Variants in SLAIN1 observed in about 807,000 individuals in gnomAD.
SLAIN1 encodes SLAIN family member 1, also known as SLAIN motif-containing protein 1.
A neutral mutation model predicts 55.4 loss-of-function variants in SLAIN1; 17 were observed. The ratio of observed to expected loss-of-function variants is 0.31; its 90% CI spans 0.21 to 0.46. The LOEUF is 0.46. Among genes scored for constraint, SLAIN1 ranks in the 20% least tolerant of loss-of-function variants. The pLI is 1.00. For missense variants in SLAIN1, 682 were observed against 785.1 expected, an observed-to-expected ratio of 0.87 and a Z score of 1.57; for synonymous variants, 348 against 337.4, an observed-to-expected ratio of 1.03 and a Z score of -0.35.
intron 4 of SLAIN1, among the ~76,000 whole-genome samples, chr13:77,747,682 C>T (rs1008398726): frequency 1.6e-4 from 25 of 152,144 alleles, no homozygotes; most frequent in Non-Finnish European, 2.2e-4. Flanking sequence ...CCTCTGATCT[C>T]CTGACATCTA....
At chr13:77,753,586 A>C (rs1874394828) in intron 5 of SLAIN1, among the ~76,000 whole-genome samples, 1 of 152,128 alleles carries the variant, frequency 6.6e-6, no homozygotes, top group Non-Finnish European at 1.5e-5. Flanking sequence ...CCTGTGGTAT[A>C]AATTACTTAC....
At chr13:77,758,618 G>A (rs558783012) in intron 5 of SLAIN1, among the ~76,000 whole-genome samples, 1 of 152,180 alleles carries the variant, frequency 6.6e-6, no homozygotes, top group Non-Finnish European at 1.5e-5. Flanking sequence ...TGAGAGGTAG[G>A]TATTCAGTTT....
intron 5 of SLAIN1, among the ~76,000 whole-genome samples, chr13:77,757,951 T>C (rs1874725078): frequency 6.6e-6 from 1 of 152,184 alleles, no homozygotes; most frequent in African/African-American, 2.4e-5. Context: ...AGATACCCAG[T>C]AGTGGGATTG....
intron 2 of SLAIN1, among the ~76,000 whole-genome samples, chr13:77,728,849 C>T (rs1594271268): frequency 6.6e-6 from 1 of 152,296 alleles, no homozygotes; most frequent in African/African-American, 2.4e-5. Flanking sequence ...TATTTCTAGT[C>T]TCGAGATGCT....
chr13:77,728,927 A>G (rs2091332198), intron 2 of SLAIN1, among the ~76,000 whole-genome samples: 1 of 152,170 alleles, frequency 6.6e-6, no homozygotes, highest in African/African-American at 2.4e-5. Context: ...CTTTGTAAAG[A>G]ATTTCTTTTC....
Position 77,744,289 on chromosome 13 carries a change from C to G in SLAIN1, c.773C>G (p.Thr258Ser), listed in dbSNP as rs1291874916. 4 of 1,612,014 alleles carry G rather than the reference C, an allele frequency of 2.5e-6. No homozygotes were observed. Among genetic ancestry groups the G allele is most frequent in the Non-Finnish European group, 3.4e-6 (4 of 1,178,636 alleles). Reference sequence around the variant, plus strand: ...CTTTTCCTTTGTGTTTCAGGTTACACTTCCAGGGGCTCCCCACTCAGTCCC... The same window carrying G: ...CTTTTCCTTTGTGTTTCAGGTTACAGTTCCAGGGGCTCCCCACTCAGTCCC... ...SLCFRLEQGY[T>S]SRGSPLSPQS... is the part of the protein sequence containing the mutation. The change falls in exon 3 of 7, where the codon ACT becomes AGT. Residue 258 changes from threonine (T) to serine (S), a missense_variant. Transcript: ENST00000418532.
At chr13:77,710,190 C>G (rs1480927881) in intron 1 of SLAIN1, among the ~76,000 whole-genome samples, 1 of 152,140 alleles carries the variant, frequency 6.6e-6, no homozygotes, top group South Asian at 2.1e-4. Context: ...AAATAACCAG[C>G]TGGCATCATA....
chr13:77,709,818 C>T (rs188480737), intron 1 of SLAIN1, among the ~76,000 whole-genome samples: 20 of 152,084 alleles, frequency 1.3e-4, no homozygotes, highest in Admixed American at 2.6e-4. Flanking sequence ...TCACCCAGGC[C>T]GGAGTGCAAT....
chr13:77,748,136 G>A (rs1873958873), intron 4 of SLAIN1, among the ~76,000 whole-genome samples: 1 of 152,078 alleles, frequency 6.6e-6, no homozygotes, highest in Admixed American at 6.6e-5. Flanking sequence ...CCTGTATTTA[G>A]TTTTTACCCT....
intron 3 of SLAIN1, 26 bp downstream of exon 3, chr13:77,744,458 A>C: frequency 1.2e-6 from 2 of 1,606,238 alleles, no homozygotes; most frequent in Non-Finnish European, 1.7e-6. Context: ...AAACTAGCAA[A>C]ATGAGGCTTC....
At chr13:77,761,311 C>T (rs1308263889) in intron 6 of SLAIN1, among the ~76,000 whole-genome samples, 1 of 152,054 alleles carries the variant, frequency 6.6e-6, no homozygotes, top group Non-Finnish European at 1.5e-5. Context: ...CATTTTCTTC[C>T]CTTACTCCCT....
intron 2 of SLAIN1, among the ~76,000 whole-genome samples, chr13:77,721,358 T>C (rs977337569): frequency 2.0e-4 from 31 of 152,176 alleles, no homozygotes; most frequent in Non-Finnish European, 4.3e-4. Context: ...TCTTTATAAA[T>C]TACCCAGTCT....
chr13:77,703,966 G>T (rs2091058615), intron 1 of SLAIN1, among the ~76,000 whole-genome samples: 2 of 53,956 alleles, frequency 3.7e-5, no homozygotes, highest in Non-Finnish European at 6.2e-5. Flanking sequence ...ATATACATAT[G>T]TTTTATATGT....
chr13:77,706,101 G>GA (rs1639016603), intron 1 of SLAIN1, among the ~76,000 whole-genome samples: 1 of 152,002 alleles, frequency 6.6e-6, no homozygotes, highest in Admixed American at 6.6e-5. Flanking sequence ...CTTCACATAG[G>GA]CATCACTTTA....
chr13:77,713,669 G>A (rs2091175725), intron 1 of SLAIN1, among the ~76,000 whole-genome samples: 1 of 152,150 alleles, frequency 6.6e-6, no homozygotes, highest in Admixed American at 6.5e-5. Context: ...TCCCATTACT[G>A]GGTATATACC....
intron 5 of SLAIN1, among the ~76,000 whole-genome samples, chr13:77,754,528 T>C (rs1022167227): frequency 5.9e-5 from 9 of 152,212 alleles, no homozygotes; most frequent in Admixed American, 3.9e-4. Context: ...AGCTTTTAAC[T>C]GCTATCATAT....
intron 4 of SLAIN1, among the ~76,000 whole-genome samples, chr13:77,750,608 G>C (rs1468899363): frequency 6.6e-6 from 1 of 152,044 alleles, no homozygotes; most frequent in Non-Finnish European, 1.5e-5. Context: ...CTGTGAGGCT[G>C]GGAACTTTAA....
chr13:77,727,443 A>G (rs981888586), intron 2 of SLAIN1, among the ~76,000 whole-genome samples: 1 of 151,440 alleles, frequency 6.6e-6, no homozygotes, highest in Non-Finnish European at 1.5e-5. Context: ...TGGGCAAAAA[A>G]AAAAACAAAA....
rs187921829 is a variant in SLAIN1, at chr13:77,737,487, G to A, written c.767-6796G>A. Among the ~76,000 whole-genome samples, 166 of 152,148 alleles carry A rather than the reference G, an allele frequency of 1.1e-3. 1 individual carries two copies. Among genetic ancestry groups the A allele is most frequent in the African/African-American group, 3.8e-3 (157 of 41,542 alleles). ...TAAAGTATAAACTGTTCATTAATGTGTATAGATATGAGACAGTGCAAAACC... is the reference window on the plus strand; with the variant it reads ...TAAAGTATAAACTGTTCATTAATGTATATAGATATGAGACAGTGCAAAACC... On this transcript the variant is annotated intron_variant, in intron 2 of 6. Coordinates refer to ENST00000418532, the MANE Select transcript of SLAIN1 (RefSeq NM_001242868.2).
Sources: allele counts gnomAD v4.1 joint callset (sites outside exome capture counted in the v4.1 genomes callset), GRCh38; gene constraint gnomAD v4.1.1; transcripts MANE v1.5; gene names NCBI Gene and HGNC (gene_info 2026-07-23, HGNC 2026-07-21).